GRID2: variants seen among roughly 807,000 people sequenced by gnomAD.
The protein encoded by GRID2 is glutamate ionotropic receptor delta type subunit 2, also known as glutamate receptor ionotropic, delta-2.
GRID2 carries 33 observed loss-of-function variants against 114.8 expected under a neutral mutation model. The observed-to-expected ratio is 0.29, with a 90% CI of 0.22 to 0.38. GRID2 has a LOEUF of 0.38. GRID2 is among the 10% of genes least tolerant of loss of function. The pLI, the probability that GRID2 is intolerant of heterozygous loss-of-function variation, is 1.00. For missense variants in GRID2, 1,184 were observed against 1,257.7 expected (o/e 0.94, Z 0.89); for synonymous variants, 505 against 449.9 (o/e 1.12, Z -1.55).
At chr4:92,428,486 G>T (rs1166867320) in intron 1 of GRID2, among the ~76,000 whole-genome samples, 1 of 151,818 alleles carries the variant, frequency 6.6e-6, no homozygotes, top group African/African-American at 2.4e-5. Flanking sequence ...ACTATAACAG[G>T]TTTATTTTTT....
intron 13 of GRID2, among the ~76,000 whole-genome samples, chr4:93,603,861 T>G (rs1739938815): frequency 6.6e-6 from 1 of 152,164 alleles, no homozygotes; most frequent in African/African-American, 2.4e-5. Flanking sequence ...ACTGAATATT[T>G]TAAGCCCACT....
chr4:92,686,675 G>A (rs1362634785), intron 2 of GRID2, among the ~76,000 whole-genome samples: 5 of 151,728 alleles, frequency 3.3e-5, no homozygotes, highest in Non-Finnish European at 7.4e-5. Flanking sequence ...ACTCAGTTTG[G>A]ATACAAGTCA....
chr4:92,501,578 T>C (rs62310675), intron 1 of GRID2, among the ~76,000 whole-genome samples: 26,633 of 152,078 alleles, frequency 0.18, 2,806 homozygotes, highest in Middle Eastern at 0.25. Flanking sequence ...CTTCCTCTAA[T>C]GATCAAGGCC....
intron 8 of GRID2, among the ~76,000 whole-genome samples, chr4:93,314,194 A>C (rs1395901876): frequency 1.3e-5 from 2 of 151,050 alleles, no homozygotes; most frequent in African/African-American, 4.9e-5. Context: ...AGTCCCAGCT[A>C]CTCAGGAGGC....
intron 2 of GRID2, among the ~76,000 whole-genome samples, chr4:92,833,470 T>C (rs1742253882): frequency 2.6e-5 from 4 of 152,216 alleles, no homozygotes; most frequent in Admixed American, 2.6e-4. Flanking sequence ...TGTTGCCCTA[T>C]AGCTCAGGAA....
chr4:93,144,419 T>G (rs1375063988), intron 4 of GRID2, among the ~76,000 whole-genome samples: 3 of 152,220 alleles, frequency 2.0e-5, no homozygotes, highest in Admixed American at 6.5e-5. Context: ...GTTTTTAAGC[T>G]GAGGCTTTTC....
intron 2 of GRID2, among the ~76,000 whole-genome samples, chr4:93,065,440 C>T (rs1198759943): frequency 6.6e-6 from 1 of 151,808 alleles, no homozygotes; most frequent in Non-Finnish European, 1.5e-5. Context: ...TCTGATTGCA[C>T]TCATGGAAAA....
At chr4:92,680,950 C>G (rs551817593) in intron 2 of GRID2, among the ~76,000 whole-genome samples, 2 of 151,900 alleles carry the variant, frequency 1.3e-5, no homozygotes, top group African/African-American at 4.8e-5. Flanking sequence ...ACTGATTTTG[C>G]TAAGAAAACA....
At chr4:93,605,209 A>G (rs1384365876) in intron 13 of GRID2, among the ~76,000 whole-genome samples, 1 of 152,220 alleles carries the variant, frequency 6.6e-6, no homozygotes, top group African/African-American at 2.4e-5. Flanking sequence ...TGACTAATTT[A>G]AATTTAAATG....
intron 2 of GRID2, among the ~76,000 whole-genome samples, chr4:92,751,542 C>A (rs77777866): frequency 1.3e-5 from 2 of 152,104 alleles, no homozygotes; most frequent in African/African-American, 4.8e-5. Flanking sequence ...TAGAAATAGA[C>A]AAGCTTAAAT....
intron 8 of GRID2, among the ~76,000 whole-genome samples, chr4:93,324,517 C>G (rs897077835): frequency 1.3e-5 from 2 of 152,096 alleles, no homozygotes; most frequent in Non-Finnish European, 2.9e-5. Flanking sequence ...TGAGTCTCTG[C>G]CAGCCTTTGG....
At chr4:92,677,854 C>T (rs192792460) in intron 2 of GRID2, among the ~76,000 whole-genome samples, 6 of 152,194 alleles carry the variant, frequency 3.9e-5, no homozygotes, top group Admixed American at 2.6e-4. Context: ...TGGTGAAAGG[C>T]TATTTTCCCT....
rs1277267818 is a variant in GRID2 at position 92,861,791 on chromosome 4, T to A, written c.245-223204T>A. Among the ~76,000 whole-genome samples, 4 of 152,172 alleles carry A rather than the reference T, an allele frequency of 2.6e-5. No homozygotes were observed. In the East Asian group the frequency reaches 7.7e-4, roughly 29 times the overall value. On this transcript the variant is annotated intron_variant, in intron 2 of 15. Coordinates refer to ENST00000282020, the MANE Select transcript of GRID2 (RefSeq NM_001510.4). ...TACTCTTTAAGTTAATCCTTGTTCCTATTGTTCACATTTTAGCTCCAATTT... is the reference window on the plus strand; with the variant it reads ...TACTCTTTAAGTTAATCCTTGTTCCAATTGTTCACATTTTAGCTCCAATTT...
intron 14 of GRID2, among the ~76,000 whole-genome samples, chr4:93,738,689 G>A (rs1034131943): frequency 1.3e-5 from 2 of 152,100 alleles, no homozygotes; most frequent in African/African-American, 2.4e-5. Flanking sequence ...TGGAGAAGGA[G>A]AGCAAATATA....
chr4:93,747,208 G>A (rs750165209), intron 14 of GRID2, among the ~76,000 whole-genome samples: 68 of 151,948 alleles, frequency 4.5e-4, no homozygotes, highest in Admixed American at 1.6e-3. Context: ...TATATAAATA[G>A]CTTTTTTCTT....
chr4:92,987,420 C>A (rs1328089473), intron 2 of GRID2, among the ~76,000 whole-genome samples: 2 of 151,608 alleles, frequency 1.3e-5, no homozygotes, highest in African/African-American at 4.8e-5. Context: ...TTTGTTTCAA[C>A]AACTATTATT....
chr4:92,498,773 A>G (rs1177986179), intron 1 of GRID2, among the ~76,000 whole-genome samples: 1 of 151,872 alleles, frequency 6.6e-6, no homozygotes, highest in Non-Finnish European at 1.5e-5. Flanking sequence ...GCACAAACAC[A>G]TATTCCTTCA....
chr4:92,721,760 G>A (rs1259769715), intron 2 of GRID2, among the ~76,000 whole-genome samples: 3 of 152,128 alleles, frequency 2.0e-5, no homozygotes, highest in Non-Finnish European at 2.9e-5. Flanking sequence ...TTTTCAGAAG[G>A]AACATCTTTG....
intron 1 of GRID2, among the ~76,000 whole-genome samples, chr4:92,414,481 A>G (rs1017977078): frequency 6.6e-6 from 1 of 152,142 alleles, no homozygotes; most frequent in Admixed American, 6.6e-5. Flanking sequence ...TAGAGTTAAC[A>G]TTTTTCAGAT....
Sources: allele counts gnomAD v4.1 joint callset (sites outside exome capture counted in the v4.1 genomes callset), GRCh38; gene constraint gnomAD v4.1.1; transcripts MANE v1.5; gene names NCBI Gene and HGNC (gene_info 2026-07-23, HGNC 2026-07-21).